Variants in CEP164 observed in about 807,000 individuals in gnomAD.
CEP164 encodes the protein centrosomal protein 164, also known as centrosomal protein of 164 kDa.
A neutral mutation model predicts 182.7 loss-of-function variants in CEP164; 162 were observed. That is an observed-to-expected ratio of 0.89 (90% confidence interval 0.78 to 1.01). CEP164 has a LOEUF of 1.01. Ranked by LOEUF, CEP164 falls within the 50% of genes least tolerant of loss-of-function variation. The pLI, the probability that CEP164 is intolerant of heterozygous loss-of-function variation, is 0.00. For synonymous variants in CEP164, 661 were observed against 690.0 expected, an observed-to-expected ratio of 0.96 and a Z score of 0.66; for missense variants, 1,735 against 1,790.4, an observed-to-expected ratio of 0.97 and a Z score of 0.56.
intron 5 of CEP164, chr11:117,355,178 G>A (rs1565465300): frequency 7.8e-7 from 1 of 1,289,716 alleles, no homozygotes; most frequent in Non-Finnish European, 1.0e-6. Flanking sequence ...CCAGGTCTTT[G>A]CTGACATGGA....
At position 117,351,870 on chromosome 11, in the gene CEP164, A is replaced by G. The variant is rs368866122; in HGVS notation, c.275A>G (p.Tyr92Cys). 6.2e-7 allele frequency: 1 copy of G among 1,613,644 alleles called. No individual in the cohort carries two copies. The highest frequency in any genetic ancestry group is 1.3e-5 in the African/African-American group (1 of 74,798). The change falls in exon 5 of 33, where the codon TAT becomes TGT. Residue 92 changes from tyrosine (Y) to cysteine (C), a missense_variant. Coordinates refer to ENST00000278935, the MANE Select transcript of CEP164 (RefSeq NM_014956.5). ...SMWDHPCDEH[Y>C]RSLVIQERAK... is the part of the protein sequence containing the mutation. ...TGGGACCATCCATGTGACGAACACT[A>G]TCGGAGCTTGGTGATCCAAGAGCGG...
chr11:117,351,730 T>C, intron 4 of CEP164, 60 bp from the exon 5 acceptor site: 1 of 1,497,694 alleles, frequency 6.7e-7, no homozygotes, highest in Non-Finnish European at 9.1e-7. Context: ...TTTCCCCTCT[T>C]TTTTTTTTCT....
chr11:117,408,118 CCGGGGGAG>C, intron 28 of CEP164, 86 bp downstream of exon 28: 1 of 1,032,982 alleles, frequency 9.7e-7, no homozygotes. Context: ...GGTCCTGCAT[CCGGGGGAG>C]TTGGGCCTCT....
In CEP164 at chr11:117,394,275, G is replaced by C; in HGVS notation, c.2617-75G>C. On this transcript the variant is annotated intron_variant, in intron 20 of 32. Coordinates refer to ENST00000278935, the MANE Select transcript of CEP164 (RefSeq NM_014956.5). This position sits in a 1 kb window ranked among gnomAD's most constrained non-coding sequence, Gnocchi z 4.0. ...TGATCTTACTGATGCAAGGCTGCAG[G>C]GCTAGGGGAGCTGTGATTTTTGTGG... 1 of 1,540,256 alleles carries C rather than the reference G, an allele frequency of 6.5e-7. No homozygotes were observed. The highest frequency in any genetic ancestry group is 1.4e-5 in the African/African-American group (1 of 73,016).
At chr11:117,360,150 C>G (rs539694517) in intron 5 of CEP164, among the ~76,000 whole-genome samples, 113 of 151,944 alleles carry the variant, frequency 7.4e-4, no homozygotes, top group African/African-American at 2.6e-3. Context: ...ATTTTTTTTC[C>G]AGACAGGGTC....
In CEP164 at chr11:117,371,107, GAGA is replaced by G. The variant is rs764638875; in HGVS notation, c.799_801del (p.Lys267del). 801 of 1,606,916 alleles carry G rather than the reference GAGA, an allele frequency of 5.0e-4. 1 individual carries two copies. Among genetic ancestry groups the G allele is most frequent in the Admixed American group, 7.4e-4 (44 of 59,224 alleles). On this transcript the variant is annotated inframe_deletion, in exon 9 of 33. Coordinates refer to ENST00000278935, the MANE Select transcript of CEP164 (RefSeq NM_014956.5). Reference sequence around the variant, plus strand: ...GTCTCTGAGAACAAGCCAGCCAGAGGAGAAGAAGGATGTTTCTCTGGATTCAGA... The same window carrying G: ...GTCTCTGAGAACAAGCCAGCCAGAGGAGAAGGATGTTTCTCTGGATTCAGA...
Position 117,360,438 on chromosome 11 carries a change from A to G in CEP164, c.394-1397A>G, listed in dbSNP as rs1234744419. Among the ~76,000 whole-genome samples, 3 of 152,148 alleles carry G rather than the reference A, an allele frequency of 2.0e-5. 1 individual carries two copies. Among genetic ancestry groups the G allele is most frequent in the Non-Finnish European group, 4.4e-5 (3 of 68,026 alleles). On this transcript the variant is annotated intron_variant, in intron 5 of 32. Transcript: ENST00000278935. ...CAGACTGGAGTACAGTGGTGCCATCATAGCTCACTGTAGCCTCCAGCTCCT... is the reference window on the plus strand; with the variant it reads ...CAGACTGGAGTACAGTGGTGCCATCGTAGCTCACTGTAGCCTCCAGCTCCT...
intron 15 of CEP164, 96 bp downstream of exon 15, chr11:117,387,508 T>C (rs1054229903): frequency 4.0e-6 from 5 of 1,234,620 alleles, no homozygotes; most frequent in Admixed American, 2.3e-5. Flanking sequence ...GGGATGCCCA[T>C]GGTTCTACTA....
At position 117,409,965 on chromosome 11, in the gene CEP164, T is replaced by C; in HGVS notation, c.4096T>C (p.Ser1366Pro). 2 of 1,614,046 alleles carry C rather than the reference T, an allele frequency of 1.2e-6. No homozygotes were observed. The highest frequency in any genetic ancestry group is 1.7e-6 in the Non-Finnish European group (2 of 1,179,944). ...GGAGAAGTGGCGCAAGTATTTTCCA[T>C]GTAAGCCCCACTCTGGGCGGAGCCT... ...LLEKWRKYFP[S>P]GIPLLSNSPT... Residue 1366 changes from serine (S) to proline (P), a missense_variant and splice_region_variant, in exon 30 of 33, where the codon TCT (serine) becomes CCT (proline). Ser to Pro is a moderately conservative substitution (Grantham distance 74). Transcript: ENST00000278935. The surrounding 1 kb of genome is among the most constrained non-coding windows in gnomAD (Gnocchi z 4.4).
At chr11:117,395,781 C>G in intron 24 of CEP164, 59 bp downstream of exon 24, 1 of 1,542,206 alleles carries the variant, frequency 6.5e-7, no homozygotes, top group Middle Eastern at 2.4e-4. Context: ...CCTCTGACCT[C>G]TGCTGCTTGT....
intron 17 of CEP164, 119 bp from the exon 18 acceptor site, chr11:117,392,107 C>T: frequency 1.3e-6 from 1 of 744,844 alleles, no homozygotes; most frequent in Non-Finnish European, 2.1e-6. Context: ...GCTGTGCTTC[C>T]CCATGCTTCC....
chr11:117,359,390 T>C (rs2040681744), intron 5 of CEP164: 1 of 984,996 alleles, frequency 1.0e-6, no homozygotes, highest in South Asian at 4.7e-5. Context: ...GGTGTTACGA[T>C]TATCAGCTCG....
At chr11:117,328,781 A>G (rs1229662091) in intron 1 of CEP164, among the ~76,000 whole-genome samples, 1 of 152,238 alleles carries the variant, frequency 6.6e-6, no homozygotes, top group Non-Finnish European at 1.5e-5. Context: ...CATTTGTCGG[A>G]CATGCCCTGT....
intron 31 of CEP164, 68 bp downstream of exon 31, chr11:117,410,962 C>T (rs1436266799): frequency 2.1e-6 from 3 of 1,437,278 alleles, no homozygotes; most frequent in Admixed American, 1.9e-5. Context: ...CCTCCCTGGG[C>T]AGGTGGACCT....
rs913473268 is a variant in CEP164, at chr11:117,411,972, C to T, written c.4286+55C>T. ...CTGGGCTGTGGGGACTGTGCTTGTG[C>T]CCTGAGGGGCTGAGGAGGATCCTGT... On this transcript the variant is annotated intron_variant, in intron 32 of 32. Coordinates refer to ENST00000278935, the MANE Select transcript of CEP164 (RefSeq NM_014956.5). The surrounding 1 kb of genome is among the most constrained non-coding windows in gnomAD (Gnocchi z 4.4). The T allele has an allele frequency of 6.2e-7, 1 of 1,611,174 alleles. No homozygotes were observed. Among genetic ancestry groups the T allele is most frequent in the African/African-American group, 1.3e-5 (1 of 74,912 alleles).
chr11:117,393,573 G>T (rs1208360419), intron 20 of CEP164, among the ~76,000 whole-genome samples: 1 of 152,124 alleles, frequency 6.6e-6, no homozygotes, highest in African/African-American at 2.4e-5. Flanking sequence ...ACTGAGACTT[G>T]GAGAGTTTAA....
At chr11:117,388,992 G>C (rs1484411918) in intron 15 of CEP164, among the ~76,000 whole-genome samples, 1 of 151,468 alleles carries the variant, frequency 6.6e-6, no homozygotes, top group Non-Finnish European at 1.5e-5. Context: ...GGATGGTCTC[G>C]ATCTCCTGAC....
At chr11:117,328,879 T>G (rs1435672869) in intron 1 of CEP164, among the ~76,000 whole-genome samples, 1 of 152,200 alleles carries the variant, frequency 6.6e-6, no homozygotes, top group African/African-American at 2.4e-5. Context: ...GTGTTCTGGC[T>G]TTAGTGCTCT....
At position 117,377,969 on chromosome 11, in the gene CEP164, C is replaced by T. The variant is rs192365502; in HGVS notation, c.1317+2178C>T. 5.8e-3 allele frequency among the ~76,000 whole-genome samples: 884 copies of T among 152,182 alleles called. 2 individuals carry two copies. Among genetic ancestry groups the T allele is most frequent in the Non-Finnish European group, 9.7e-3 (660 of 68,010 alleles). ...CCATCTCCTGGGTTCAAGCGATTCTCCTGTCTCAGCCTCCCCAAGTAGCTG... is the reference window on the plus strand; with the variant it reads ...CCATCTCCTGGGTTCAAGCGATTCTTCTGTCTCAGCCTCCCCAAGTAGCTG... On this transcript the variant is annotated intron_variant, in intron 11 of 32. Transcript: ENST00000278935.
Sources: allele counts gnomAD v4.1 joint callset (sites outside exome capture counted in the v4.1 genomes callset), GRCh38; gene constraint gnomAD v4.1.1; non-coding constraint Gnocchi (gnomAD v3.1); transcripts MANE v1.5; gene names NCBI Gene and HGNC (gene_info 2026-07-23, HGNC 2026-07-21).